Variants in USP46 observed in about 807,000 individuals in gnomAD.
USP46 encodes the protein ubiquitin carboxyl-terminal hydrolase 46.
Under a neutral mutation model 44.4 loss-of-function variants are expected in USP46, and 12 were observed. The ratio of observed to expected loss-of-function variants is 0.27; its 90% CI spans 0.17 to 0.44. The LOEUF (loss-of-function observed/expected upper bound fraction) is 0.44. Ranked by LOEUF, USP46 falls within the 20% of genes least tolerant of loss-of-function variation. The pLI is 1.00. For missense variants in USP46, 248 were observed against 444.8 expected (o/e 0.56, Z 3.98); for synonymous variants, 155 against 161.5 (o/e 0.96, Z 0.31).
Position 52,592,731 on chromosome 4 carries a change from T to G in USP46, c.*4909A>C, listed in dbSNP as rs1716069789. 5.1e-6 allele frequency: 2 copies of G among 395,324 alleles called. No homozygotes were observed. Among genetic ancestry groups the G allele is most frequent in the African/African-American group, 4.1e-5 (2 of 48,518 alleles). 24.5% of individuals were successfully genotyped at this position (395,324 alleles called of 1,614,324 possible). The stretch of plus-strand genomic sequence containing the variant: ...GCACATGCCTGTAGTCCCAGCTACT[T>G]GGGAGGCTGAGGCAGAAGAATCGCT... On this transcript the variant is annotated 3_prime_UTR_variant, in exon 9 of 9. Coordinates refer to ENST00000441222, the MANE Select transcript of USP46 (RefSeq NM_022832.4).
chr4:52,653,896 T>C (rs1257490733), intron 1 of USP46, among the ~76,000 whole-genome samples: 4 of 152,126 alleles, frequency 2.6e-5, no homozygotes, highest in Non-Finnish European at 5.9e-5. Flanking sequence ...AGAATCAAAA[T>C]TGAAAATGCC....
intron 1 of USP46, among the ~76,000 whole-genome samples, chr4:52,639,269 A>C (rs1718240294): frequency 6.6e-6 from 1 of 152,220 alleles, no homozygotes; most frequent in Non-Finnish European, 1.5e-5. Flanking sequence ...AAAAGAGATA[A>C]AGGCTGTAAA....
chr4:52,610,347 A>G (rs1483424891), intron 5 of USP46, among the ~76,000 whole-genome samples, 194 bp downstream of exon 5: 1 of 151,962 alleles, frequency 6.6e-6, no homozygotes, highest in African/African-American at 2.4e-5. Context: ...AATGACTTCC[A>G]TTTTATGCTC....
chr4:52,602,512 C>A (rs1397365970), intron 6 of USP46, among the ~76,000 whole-genome samples: 1 of 152,188 alleles, frequency 6.6e-6, no homozygotes, highest in Non-Finnish European at 1.5e-5. Flanking sequence ...ATGGATGCTT[C>A]TGACACACAC....
At chr4:52,653,006 G>A (rs910099495) in intron 1 of USP46, among the ~76,000 whole-genome samples, 2 of 152,244 alleles carry the variant, frequency 1.3e-5, no homozygotes, top group Admixed American at 6.5e-5. Context: ...GGCCCTATGA[G>A]GGTAAAGTGA....
chr4:52,632,915 AAAG>A (rs1717898590), intron 1 of USP46, among the ~76,000 whole-genome samples: 3 of 113,180 alleles, frequency 2.7e-5, no homozygotes, highest in African/African-American at 1.2e-4. Context: ...AGAAAGAAAG[AAAG>A]AGAAAGAAAG....
chr4:52,634,712 G>A (rs1192183566), intron 1 of USP46, among the ~76,000 whole-genome samples: 3 of 151,808 alleles, frequency 2.0e-5, no homozygotes, highest in Admixed American at 6.6e-5. Flanking sequence ...GGCATGAGCC[G>A]CCACGCCCAG....
intron 1 of USP46, among the ~76,000 whole-genome samples, chr4:52,649,685 C>T (rs1372217172): frequency 6.6e-6 from 1 of 152,236 alleles, no homozygotes; most frequent in African/African-American, 2.4e-5. Flanking sequence ...GCAATTCTTC[C>T]ATTCTACCAA....
chr4:52,592,943 G>T lies in USP46; in HGVS notation c.*4697C>A, dbSNP rs140926332. 39 of 398,562 alleles carry T rather than the reference G, an allele frequency of 9.8e-5. No individual in the cohort carries two copies. In the South Asian group the frequency reaches 1.0e-3, roughly 10 times the overall value. The allele number at this position is 398,562 out of a possible 1,614,324, so 24.7% of individuals were successfully genotyped here. On this transcript the variant is annotated 3_prime_UTR_variant, in exon 9 of 9. Coordinates refer to ENST00000441222, the MANE Select transcript of USP46 (RefSeq NM_022832.4). ...GCTTTCCCTTTGCCTTCTGCTGATT[G>T]TAAGTTTCCTGAGGCCTCCCCCAGA...
At position 52,631,141 on chromosome 4, in the gene USP46, T is replaced by C. The variant is rs1476425553; in HGVS notation, c.40A>G (p.Thr14Ala). 2 of 1,556,570 alleles carry C rather than the reference T, an allele frequency of 1.3e-6. No homozygotes were observed. Among genetic ancestry groups the C allele is most frequent in the Non-Finnish European group, 1.7e-6 (2 of 1,148,550 alleles). The change falls in exon 2 of 9, where the codon ACC (threonine) becomes GCC (alanine). Residue 14 changes from threonine (T) to alanine (A), a missense_variant. Thr to Ala is a moderately conservative substitution (Grantham distance 58). Coordinates refer to ENST00000441222, the MANE Select transcript of USP46 (RefSeq NM_022832.4). ...TCTTTTTCCAGAGCAGAGGCATTGG[T>C]GCCCTAAAAGAGAAAAATAGCAAAA... ...RNIASICNMGTNASALEKDIG... is the reference protein window; with the variant it reads ...RNIASICNMGANASALEKDIG...
At chr4:52,604,919 A>G (rs1195777734) in intron 5 of USP46, among the ~76,000 whole-genome samples, 1 of 152,240 alleles carries the variant, frequency 6.6e-6, no homozygotes, top group African/African-American at 2.4e-5. Flanking sequence ...CTCATGATTT[A>G]ATGGAGAATA....
chr4:52,649,249 T>C (rs1285352999), intron 1 of USP46, among the ~76,000 whole-genome samples: 3 of 152,148 alleles, frequency 2.0e-5, no homozygotes, highest in African/African-American at 7.2e-5. Context: ...AGGAAAATAA[T>C]GATGAACTAA....
intron 2 of USP46, chr4:52,629,794 G>A (rs1577680795): frequency 1.1e-5 from 5 of 451,498 alleles, no homozygotes; most frequent in Admixed American, 9.4e-5. Flanking sequence ...CACCCAAAGG[G>A]TAGAAGCCAT....
At chr4:52,658,920 GC>G (rs1719063452) in intron 1 of USP46, among the ~76,000 whole-genome samples, 194 bp downstream of exon 1, 1 of 151,682 alleles carries the variant, frequency 6.6e-6, no homozygotes. Flanking sequence ...TGAGACGGGC[GC>G]CGGGGGCTCG....
At chr4:52,618,383 G>C (rs1272273968) in intron 4 of USP46, among the ~76,000 whole-genome samples, 1 of 152,028 alleles carries the variant, frequency 6.6e-6, no homozygotes, top group Non-Finnish European at 1.5e-5. Flanking sequence ...CCAGCTATTC[G>C]GGAGGCTAAG....
At chr4:52,634,530 T>A (rs1472103110) in intron 1 of USP46, among the ~76,000 whole-genome samples, 3 of 141,750 alleles carry the variant, frequency 2.1e-5, no homozygotes, top group Admixed American at 7.0e-5. Flanking sequence ...AAAAAAAAAA[T>A]TCTCCTGCCT....
intron 4 of USP46, among the ~76,000 whole-genome samples, chr4:52,625,530 C>T (rs958036903): frequency 3.3e-5 from 5 of 152,156 alleles, no homozygotes; most frequent in Non-Finnish European, 7.4e-5. Flanking sequence ...AACACATAAG[C>T]TCATCCAACC....
rs1361910646 is a variant in USP46 at position 52,659,156 on chromosome 4, T to G, written c.-6A>C. On this transcript the variant is annotated 5_prime_UTR_variant, in exon 1 of 9. The change abolishes the stop of an existing upstream ORF in the 5' untranslated region. Transcript: ENST00000441222. The surrounding 1 kb of genome is among the most constrained non-coding windows in gnomAD (Gnocchi z 4.2). The stretch of plus-strand genomic sequence containing the variant: ...GCGATGTTTCGGACAGTCATTAGTC[T>G]AAAGGTTGCAGCGATCCCTCACCGC... 6.4e-7 allele frequency: 1 copy of G among 1,560,090 alleles called. No individual in the cohort carries two copies. Among genetic ancestry groups the G allele is most frequent in the Non-Finnish European group, 8.7e-7 (1 of 1,153,978 alleles).
chr4:52,597,756 A>G lies in USP46; in HGVS notation c.1000-15T>C. 7 of 1,541,088 alleles carry G rather than the reference A, an allele frequency of 4.5e-6. No homozygotes were observed. The highest frequency in any genetic ancestry group is 6.2e-6 in the Non-Finnish European group (7 of 1,134,420). ...GCATCTATTTTCTGCAATAAAGGAG[A>G]AAGAAAACAACACAATTACTTAACA... is the stretch of plus-strand genomic sequence containing the variant. On this transcript the variant is annotated splice_polypyrimidine_tract_variant and intron_variant, in intron 8 of 8. Coordinates refer to ENST00000441222, the MANE Select transcript of USP46 (RefSeq NM_022832.4).
Sources: allele counts gnomAD v4.1 joint callset (sites outside exome capture counted in the v4.1 genomes callset), GRCh38; gene constraint gnomAD v4.1.1; non-coding constraint Gnocchi (gnomAD v3.1); transcripts MANE v1.5; gene names NCBI Gene and HGNC (gene_info 2026-07-23, HGNC 2026-07-21).